PGRMC2: variants seen among roughly 807,000 people sequenced by gnomAD.
The protein encoded by PGRMC2 is progesterone receptor membrane component 2, also known as membrane-associated progesterone receptor component 2.
A neutral mutation model predicts 19.3 loss-of-function variants in PGRMC2; 9 were observed. The ratio of observed to expected loss-of-function variants is 0.47; its 90% CI spans 0.28 to 0.81. PGRMC2 has a LOEUF of 0.81. Among genes scored for constraint, PGRMC2 ranks in the 40% least tolerant of loss-of-function variants. The pLI is 0.11. For synonymous variants in PGRMC2, 157 were observed against 124.6 expected, an observed-to-expected ratio of 1.26 and a Z score of -1.73; for missense variants, 289 against 297.3, an observed-to-expected ratio of 0.97 and a Z score of 0.21.
intron 1 of PGRMC2, among the ~76,000 whole-genome samples, chr4:128,285,829 A>G (rs1316247536): frequency 6.6e-6 from 1 of 152,212 alleles, no homozygotes; most frequent in Non-Finnish European, 1.5e-5. Flanking sequence ...ACAAAAATGT[A>G]TTAACCATTT....
intron 1 of PGRMC2, among the ~76,000 whole-genome samples, chr4:128,277,368 G>A (rs1268886937): frequency 6.6e-6 from 1 of 152,126 alleles, no homozygotes; most frequent in Non-Finnish European, 1.5e-5. Context: ...TCTTGAAACA[G>A]CAACAACATA....
intron 1 of PGRMC2, among the ~76,000 whole-genome samples, chr4:128,279,846 T>C (rs962390456): frequency 4.6e-5 from 7 of 152,126 alleles, no homozygotes; most frequent in South Asian, 4.1e-4. Flanking sequence ...GAACAATACG[T>C]AGACTGGTGC....
intron 1 of PGRMC2, among the ~76,000 whole-genome samples, chr4:128,274,690 T>TA (rs963636557): frequency 1.2e-4 from 18 of 151,508 alleles, no homozygotes; most frequent in Admixed American, 7.9e-4. Context: ...GAAACAATGA[T>TA]AAAAAAAATC....
chr4:128,280,204 A>C (rs2110562420), intron 1 of PGRMC2, among the ~76,000 whole-genome samples: 1 of 152,194 alleles, frequency 6.6e-6, no homozygotes, highest in East Asian at 1.9e-4. Flanking sequence ...AACTAAAGTA[A>C]ATTTGCTTAA....
At chr4:128,275,237 C>A (rs1760789612) in intron 1 of PGRMC2, among the ~76,000 whole-genome samples, 1 of 152,170 alleles carries the variant, frequency 6.6e-6, no homozygotes, top group South Asian at 2.1e-4. Context: ...CATTAATCTA[C>A]TTCAGGCACT....
intron 2 of PGRMC2, among the ~76,000 whole-genome samples, chr4:128,271,806 C>A (rs1760734372): frequency 6.6e-6 from 1 of 152,084 alleles, no homozygotes; most frequent in Non-Finnish European, 1.5e-5. Context: ...CAGCATCACA[C>A]AAGTGGTAAA....
In PGRMC2 at chr4:128,287,638, G is replaced by A; in HGVS notation, c.153C>T (p.Gly51=). The part of the protein sequence containing the change: ...AAAALALLTG[G]GEMLLNVALV... ...GCGCCACGTTCAGCAGCATTTCCCC[G>A]CCCCCCGTCAGAAGCGCCAACGCCG... Residue 51 remains glycine, a synonymous_variant, in exon 1 of 3, where the codon GGC becomes GGT. Coordinates refer to ENST00000296425, the MANE Select transcript of PGRMC2 (RefSeq NM_006320.6). The A allele has an allele frequency of 4.8e-6, 7 of 1,454,864 alleles. No homozygotes were observed. The highest frequency in any genetic ancestry group is 1.2e-5 in the South Asian group (1 of 82,384). The allele number at this position is 1,454,864 out of a possible 1,614,324, so 90.1% of individuals were successfully genotyped here. A position where few individuals can be genotyped will look rare whatever the true frequency, so the allele number is the denominator to read the frequency against.
chr4:128,271,108 G>T lies in PGRMC2; in HGVS notation c.*208C>A. On this transcript the variant is annotated 3_prime_UTR_variant, in exon 3 of 3. Transcript: ENST00000296425. ...TTTTCAGGATGATGAAGCCCCACTA[G>T]ACATTACAAACAACTGCAACAAATG... 2.5e-6 allele frequency: 1 copy of T among 393,370 alleles called. No homozygotes were observed. 24.4% of individuals were successfully genotyped at this position (393,370 alleles called of 1,614,324 possible). A position where few individuals can be genotyped will look rare whatever the true frequency, so the allele number is the denominator to read the frequency against.
At chr4:128,272,033 AT>A (rs1374523389) in intron 2 of PGRMC2, among the ~76,000 whole-genome samples, 1 of 152,208 alleles carries the variant, frequency 6.6e-6, no homozygotes, top group Non-Finnish European at 1.5e-5. Context: ...GTAACAAGTC[AT>A]TTTTTTAAAT....
chr4:128,275,300 AATC>A (rs1760790892), intron 1 of PGRMC2, among the ~76,000 whole-genome samples: 1 of 152,284 alleles, frequency 6.6e-6, no homozygotes, highest in East Asian at 1.9e-4. Context: ...GAGAAGATAA[AATC>A]ATTATAAAAA....
intron 1 of PGRMC2, among the ~76,000 whole-genome samples, chr4:128,277,074 G>A (rs932802862): frequency 1.3e-5 from 2 of 151,962 alleles, no homozygotes; most frequent in Non-Finnish European, 2.9e-5. Context: ...GGAGAATGGC[G>A]TGAACCTGGG....
intron 1 of PGRMC2, among the ~76,000 whole-genome samples, chr4:128,277,157 AAAACAAAC>A (rs56210271): frequency 0.035 from 5,361 of 151,538 alleles, 275 homozygotes; most frequent in African/African-American, 0.11. Context: ...ACTCCATCTC[AAAACAAAC>A]AAACAAACAA....
chr4:128,274,631 A>G (rs1046965791), intron 1 of PGRMC2, among the ~76,000 whole-genome samples: 1 of 152,014 alleles, frequency 6.6e-6, no homozygotes, highest in Admixed American at 6.6e-5. Context: ...GAGGACAAGG[A>G]GAGAGACAGA....
intron 1 of PGRMC2, among the ~76,000 whole-genome samples, chr4:128,280,551 CCAA>C (rs1254978873): frequency 6.6e-6 from 1 of 151,894 alleles, no homozygotes. Context: ...CGACTCCTCA[CCAA>C]CAAGTGGAAG....
chr4:128,274,173 C>G (rs976625602), intron 1 of PGRMC2, among the ~76,000 whole-genome samples: 4 of 152,162 alleles, frequency 2.6e-5, no homozygotes, highest in Admixed American at 2.0e-4. Context: ...CACAATTTAC[C>G]ACTGGCCAAT....
chr4:128,272,320 C>G, intron 2 of PGRMC2, 42 bp downstream of exon 2: 1 of 1,252,128 alleles, frequency 8.0e-7, no homozygotes, highest in Non-Finnish European at 1.1e-6. Context: ...TTTCTTTGAA[C>G]AAATATTTAA....
chr4:128,278,303 C>T (rs1760845164), intron 1 of PGRMC2, among the ~76,000 whole-genome samples: 1 of 152,150 alleles, frequency 6.6e-6, no homozygotes, highest in Admixed American at 6.5e-5. Context: ...AACTAGATAA[C>T]CTTCTGTTAA....
At chr4:128,278,784 C>G (rs1760856228) in intron 1 of PGRMC2, among the ~76,000 whole-genome samples, 1 of 152,056 alleles carries the variant, frequency 6.6e-6, no homozygotes, top group Non-Finnish European at 1.5e-5. Flanking sequence ...ATACATAAAA[C>G]CAAAACTTTG....
In PGRMC2 at chr4:128,270,395, C is replaced by T. The variant is rs1312653493; in HGVS notation, c.*921G>A. On this transcript the variant is annotated 3_prime_UTR_variant, in exon 3 of 3. Transcript: ENST00000296425. ...GGGAATGCATTTGGCCATTACAATGCTAATTGAGTTTGTGTATATTACATA... is the reference window on the plus strand; with the variant it reads ...GGGAATGCATTTGGCCATTACAATGTTAATTGAGTTTGTGTATATTACATA... 1.3e-5 allele frequency: 2 copies of T among 152,550 alleles called. No individual in the cohort carries two copies. Among genetic ancestry groups the T allele is most frequent in the Non-Finnish European group, 2.9e-5 (2 of 68,030 alleles). 9.4% of individuals were successfully genotyped at this position (152,550 alleles called of 1,614,324 possible). A position where few individuals can be genotyped will look rare whatever the true frequency, so the allele number is the denominator to read the frequency against.
Sources: allele counts gnomAD v4.1 joint callset (sites outside exome capture counted in the v4.1 genomes callset), GRCh38; gene constraint gnomAD v4.1.1; transcripts MANE v1.5; gene names NCBI Gene and HGNC (gene_info 2026-07-23, HGNC 2026-07-21).